The following EBF1 variants were observed in gnomAD, a reference collection of about 807,000 sequenced individuals.
EBF1 encodes the protein EBF transcription factor 1, also known as transcription factor COE1.
In EBF1, 10 loss-of-function variants were observed where a neutral mutation model predicts 68.4. That is an observed-to-expected ratio of 0.15 (90% CI 0.09 to 0.25). The LOEUF (loss-of-function observed/expected upper bound fraction) is 0.25, where lower values mean the gene tolerates loss of function less well. Ranked by LOEUF, EBF1 falls within the 10% of genes least tolerant of loss-of-function variation. The probability of loss-of-function intolerance (pLI) is 1.00; values close to 1 mark genes in which losing one functional copy is unlikely to be tolerated. For missense variants in EBF1, 509 were observed against 794.4 expected (o/e 0.64, Z 4.32); for synonymous variants, 298 against 299.8 (o/e 0.99, Z 0.06).
At chr5:159,094,262 G>C (rs61374898) in intron 4 of EBF1, among the ~76,000 whole-genome samples, 1 of 116,832 alleles carries the variant, frequency 8.6e-6, no homozygotes, top group East Asian at 2.6e-4. Context: ...ATAAAACCAA[G>C]ACCAAAAATT....
intron 6 of EBF1, among the ~76,000 whole-genome samples, chr5:158,969,896 GAAAGAAAGAAAGAAAGAAAGAAAAA>G (rs1208138658): frequency 6.0e-5 from 6 of 99,972 alleles, no homozygotes; most frequent in Non-Finnish European, 1.1e-4. Context: ...AAGAAAGAAA[GAAAGAAAGAAAGAAAGAAAGAAAAA>G]AAAAAAAAAG....
intron 6 of EBF1, among the ~76,000 whole-genome samples, chr5:159,009,017 G>A (rs1480380579): frequency 1.3e-5 from 2 of 152,176 alleles, no homozygotes; most frequent in East Asian, 3.9e-4. Context: ...GGGAAGCTCA[G>A]CCAGTGGAAA....
intron 6 of EBF1, among the ~76,000 whole-genome samples, chr5:158,908,940 C>A (rs1021004963): frequency 2.0e-5 from 3 of 152,198 alleles, no homozygotes; most frequent in African/African-American, 7.2e-5. Context: ...ATCAATGCCA[C>A]TTTGTTCAGA....
At chr5:159,091,308 CCCCAGACT>C (rs1274029521) in intron 4 of EBF1, among the ~76,000 whole-genome samples, 1 of 152,156 alleles carries the variant, frequency 6.6e-6, no homozygotes, top group Non-Finnish European at 1.5e-5. Context: ...TTGTTTTCAC[CCCCAGACT>C]CCAAACAACA....
chr5:159,047,561 T>C (rs1210236322), intron 6 of EBF1, among the ~76,000 whole-genome samples: 3 of 152,144 alleles, frequency 2.0e-5, no homozygotes, highest in Non-Finnish European at 4.4e-5. Flanking sequence ...CCTCGGTTCC[T>C]ATAACTGAAG....
At chr5:158,925,521 G>T (rs1809514053) in intron 6 of EBF1, among the ~76,000 whole-genome samples, 1 of 152,188 alleles carries the variant, frequency 6.6e-6, no homozygotes, top group African/African-American at 2.4e-5. Context: ...ATCTCCAAAG[G>T]GAAAGGGCTC....
intron 6 of EBF1, among the ~76,000 whole-genome samples, chr5:159,007,230 G>C (rs1377599621): frequency 6.6e-6 from 1 of 152,030 alleles, no homozygotes; most frequent in Admixed American, 6.6e-5. Context: ...GGAAAGGAAA[G>C]GAAGAAGCAC....
chr5:158,928,286 G>A (rs1038333143), intron 6 of EBF1, among the ~76,000 whole-genome samples: 5 of 152,128 alleles, frequency 3.3e-5, no homozygotes, highest in Non-Finnish European at 5.9e-5. Context: ...GCACAGTGCC[G>A]GGCACATAGT....
At chr5:158,977,856 G>A (rs1318718275) in intron 6 of EBF1, among the ~76,000 whole-genome samples, 1 of 152,108 alleles carries the variant, frequency 6.6e-6, no homozygotes, top group East Asian at 1.9e-4. Flanking sequence ...CCCTGCCTTA[G>A]GAGGAGGGAG....
chr5:158,858,349 A>G (rs111971616), intron 6 of EBF1, among the ~76,000 whole-genome samples: 1,965 of 152,256 alleles, frequency 0.013, 55 homozygotes, highest in Admixed American at 0.06. Flanking sequence ...GCTTCTTCAT[A>G]CCTGCTTGCT....
At chr5:158,923,959 C>T (rs1301239236) in intron 6 of EBF1, among the ~76,000 whole-genome samples, 3 of 152,228 alleles carry the variant, frequency 2.0e-5, no homozygotes, top group Non-Finnish European at 2.9e-5. Flanking sequence ...TTACTTGAAA[C>T]TACATTCACA....
intron 4 of EBF1, among the ~76,000 whole-genome samples, chr5:159,091,779 A>G (rs1463322711): frequency 1.3e-5 from 2 of 152,186 alleles, no homozygotes; most frequent in African/African-American, 2.4e-5. Context: ...ACCTGATAGC[A>G]TTTCTGATGA....
At chr5:158,717,114 T>C (rs1003319306) in intron 11 of EBF1, among the ~76,000 whole-genome samples, 1 of 152,238 alleles carries the variant, frequency 6.6e-6, no homozygotes, top group South Asian at 2.1e-4. Context: ...TTAAAGTATA[T>C]AGAATGTTAA....
At position 158,698,821 on chromosome 5, in the gene EBF1, TAAA is replaced by T; in HGVS notation, c.*287_*289del. 1 of 264,326 alleles carries T rather than the reference TAAA, an allele frequency of 3.8e-6. No individual in the cohort carries two copies. 16.4% of individuals were successfully genotyped at this position (264,326 alleles called of 1,614,324 possible). On this transcript the variant is annotated 3_prime_UTR_variant, in exon 16 of 16. Transcript: ENST00000313708. Reference sequence around the variant, plus strand: ...AGACAAATGATTGCAGAATTAAGCTTAAAAAAAAAAAAGAAAAAGAAAAAGTGG... The same window carrying T: ...AGACAAATGATTGCAGAATTAAGCTTAAAAAAAAAGAAAAAGAAAAAGTGG...
intron 6 of EBF1, among the ~76,000 whole-genome samples, chr5:158,988,346 G>T (rs945729191): frequency 6.6e-6 from 1 of 152,012 alleles, no homozygotes; most frequent in African/African-American, 2.4e-5. Context: ...TTCCCTATAC[G>T]CTGACTCTTG....
At chr5:158,875,041 GCACACACACACACATACACACACACA>G (rs1797564135) in intron 6 of EBF1, among the ~76,000 whole-genome samples, 1 of 102,350 alleles carries the variant, frequency 9.8e-6, no homozygotes, top group African/African-American at 4.4e-5. Context: ...ACACACACAA[GCACACACACACACATACACACACACA>G]CACACACACA....
chr5:158,798,214 G>T (rs1779923618), intron 8 of EBF1, among the ~76,000 whole-genome samples: 1 of 152,106 alleles, frequency 6.6e-6, no homozygotes, highest in Non-Finnish European at 1.5e-5. Flanking sequence ...GAGTACAAAA[G>T]GTGTTATGAT....
At chr5:159,031,579 G>C (rs936301561) in intron 6 of EBF1, among the ~76,000 whole-genome samples, 5 of 152,228 alleles carry the variant, frequency 3.3e-5, no homozygotes, top group African/African-American at 9.6e-5. Context: ...GGGAGAAGGG[G>C]AGGAGGCAAA....
At chr5:158,939,934 AGAATACACTTATACCCTCTCAAG>A (rs748888702) in intron 6 of EBF1, among the ~76,000 whole-genome samples, 14 of 152,194 alleles carry the variant, frequency 9.2e-5, no homozygotes, top group Non-Finnish European at 2.1e-4. Flanking sequence ...ATTCTGAAAC[AGAATACACTTATACCCTCTCAAG>A]GAATACACTT....
Sources: allele counts gnomAD v4.1 joint callset (sites outside exome capture counted in the v4.1 genomes callset), GRCh38; gene constraint gnomAD v4.1.1; transcripts MANE v1.5; gene names NCBI Gene and HGNC (gene_info 2026-07-23, HGNC 2026-07-21).